The following AXL variants were observed in gnomAD, a reference collection of about 807,000 sequenced individuals.
AXL encodes tyrosine-protein kinase receptor UFO.
In AXL, 52 loss-of-function variants were observed where a neutral mutation model predicts 104.5. That is an observed-to-expected ratio of 0.50 (90% CI 0.40 to 0.63). AXL has a LOEUF of 0.63. Ranked by LOEUF, AXL falls within the 20% of genes least tolerant of loss-of-function variation. The probability of loss-of-function intolerance (pLI) is 0.00; values close to 1 mark genes in which losing one functional copy is unlikely to be tolerated. For missense variants in AXL, 1,024 were observed against 1,188.5 expected (o/e 0.86, Z 2.04); for synonymous variants, 455 against 473.7 (o/e 0.96, Z 0.51).
At chr19:41,255,278 G>A (rs1449854285) in intron 17 of AXL, among the ~76,000 whole-genome samples, 1 of 152,040 alleles carries the variant, frequency 6.6e-6, no homozygotes, top group Non-Finnish European at 1.5e-5. Flanking sequence ...TGAATGTCCT[G>A]TGGATTTTCT....
rs201416484 is a variant in AXL, at chr19:41,248,756, T to C, written c.1647T>C (p.Ala549=). 3.8e-4 allele frequency: 615 copies of C among 1,614,040 alleles called. No homozygotes were observed. Among genetic ancestry groups the C allele is most frequent in the East Asian group, 2.0e-4 (9 of 44,868 alleles). ...GKTLGEGEFG[A]VMEGQLNQDD... ...GGCCCCCCACAGGAGAGTTTGGAGC[T>C]GTGATGGAAGGCCAGCTCAACCAGG... Residue 549 remains alanine, a synonymous_variant, in exon 14 of 20, where the codon GCT becomes GCC. Transcript: ENST00000301178.
chr19:41,259,454 C>A, intron 19 of AXL, 99 bp from the exon 20 acceptor site: 5 of 1,018,688 alleles, frequency 4.9e-6, no homozygotes, highest in Non-Finnish European at 7.1e-6. Flanking sequence ...CTCTAAAATG[C>A]CCCCAGTCCC....
chr19:41,239,803 A>G (rs1353284034), intron 10 of AXL, 83 bp downstream of exon 10: 1 of 1,541,070 alleles, frequency 6.5e-7, no homozygotes, highest in Non-Finnish European at 9.0e-7. Flanking sequence ...CTCATTGCAC[A>G]TCCCTTTCAT....
intron 12 of AXL, among the ~76,000 whole-genome samples, chr19:41,246,712 T>C (rs2034277275): frequency 1.3e-5 from 2 of 152,154 alleles, no homozygotes; most frequent in East Asian, 3.9e-4. Context: ...GAGACTCGGT[T>C]TCAAAAAAAA....
chr19:41,242,660 A>G (rs2034203748), intron 10 of AXL, among the ~76,000 whole-genome samples: 1 of 152,006 alleles, frequency 6.6e-6, no homozygotes, highest in Non-Finnish European at 1.5e-5. Flanking sequence ...CCCATCCTAC[A>G]ACTTTCACAC....
At chr19:41,221,001 C>A in intron 2 of AXL, 143 bp downstream of exon 2, 2 of 1,199,922 alleles carry the variant, frequency 1.7e-6, no homozygotes, top group Non-Finnish European at 2.3e-6. Flanking sequence ...TCGTTTTCCT[C>A]TTCTGCAAAA....
At chr19:41,248,870 T>G in intron 14 of AXL, 50 bp downstream of exon 14, 2 of 1,528,006 alleles carry the variant, frequency 1.3e-6, no homozygotes, top group Non-Finnish European at 1.8e-6. Context: ...CCTATGCCCC[T>G]GAGACAGAAG....
intron 12 of AXL, among the ~76,000 whole-genome samples, chr19:41,246,953 G>A (rs1429356698): frequency 1.3e-5 from 2 of 152,078 alleles, no homozygotes; most frequent in Non-Finnish European, 2.9e-5. Flanking sequence ...GTGTCCTGAT[G>A]TCAATTTGTT....
At chr19:41,228,971 CAG>C (rs1335901134) in intron 4 of AXL, among the ~76,000 whole-genome samples, 1 of 147,542 alleles carries the variant, frequency 6.8e-6, no homozygotes, top group Non-Finnish European at 1.5e-5. Context: ...TTTTTTGAGA[CAG>C]AGTTTCACTC....
chr19:41,219,619 G>C lies in AXL; in HGVS notation c.85+142G>C, dbSNP rs191914061. The C allele has an allele frequency of 3.2e-5, 30 of 936,500 alleles. No homozygotes were observed. The African/African-American group carries it at 3.3e-4, about 10-fold the overall frequency. The allele number at this position is 936,500 out of a possible 1,614,324, so 58.0% of individuals were successfully genotyped here. A position where few individuals can be genotyped will look rare whatever the true frequency, so the allele number is the denominator to read the frequency against. On this transcript the variant is annotated intron_variant, in intron 1 of 19. Coordinates refer to ENST00000301178, the MANE Select transcript of AXL (RefSeq NM_021913.5). The stretch of plus-strand genomic sequence containing the variant: ...GGACCACAGAAAAGGGACTTCAAGG[G>C]AGGGAGACACAGACTCAGAGACACC...
Position 41,259,986 on chromosome 19 carries a change from A to C in AXL, c.*82A>C. ...GAAAACTCCACCTTCCCACTTTCCC[A>C]CCCCACGCCTTATCCCCACTTGCAG... On this transcript the variant is annotated 3_prime_UTR_variant, in exon 20 of 20. Coordinates refer to ENST00000301178, the MANE Select transcript of AXL (RefSeq NM_021913.5). 7.8e-7 allele frequency: 1 copy of C among 1,282,106 alleles called. No individual in the cohort carries two copies. Among genetic ancestry groups the C allele is most frequent in the Non-Finnish European group, 1.1e-6 (1 of 946,332 alleles). 79.4% of individuals were successfully genotyped at this position (1,282,106 alleles called of 1,614,324 possible).
intron 16 of AXL, among the ~76,000 whole-genome samples, chr19:41,253,234 G>T (rs75239046): frequency 6.6e-6 from 1 of 152,178 alleles, no homozygotes; most frequent in Non-Finnish European, 1.5e-5. Flanking sequence ...AGATCTTGCC[G>T]AGGAGGTGAC....
intron 12 of AXL, among the ~76,000 whole-genome samples, chr19:41,247,934 T>C (rs926192751): frequency 7.0e-6 from 1 of 143,548 alleles, no homozygotes; most frequent in Non-Finnish European, 1.5e-5. Flanking sequence ...TATTTTATTT[T>C]ATTTTTGAGA....
chr19:41,253,006 T>C (rs753250221), intron 16 of AXL, 39 bp downstream of exon 16: 4 of 1,608,116 alleles, frequency 2.5e-6, no homozygotes, highest in Admixed American at 3.3e-5. Flanking sequence ...AAATATTAAC[T>C]GAGCATCTAT....
At position 41,259,859 on chromosome 19, in the gene AXL, T is replaced by A. The variant is rs761140155; in HGVS notation, c.2640T>A (p.Ala880=). The change falls in exon 20 of 20, where the codon GCT becomes GCA. Residue 880 remains alanine (A), a synonymous_variant. Transcript: ENST00000301178. ...CAACCCCTAGCCCCGCTCAGCCTGC[T>A]GATAGGGGCTCCCCAGCAGCCCCAG... is the stretch of plus-strand genomic sequence containing the variant. ...PSTTPSPAQP[A]DRGSPAAPGQ... The A allele has an allele frequency of 6.2e-7, 1 of 1,605,852 alleles. No homozygotes were observed. The highest frequency in any genetic ancestry group is 1.7e-5 in the Admixed American group (1 of 59,298).
chr19:41,243,763 C>T, intron 12 of AXL, 56 bp downstream of exon 12: 2 of 1,495,312 alleles, frequency 1.3e-6, no homozygotes, highest in Non-Finnish European at 1.9e-6. Context: ...TGTAGAGAAT[C>T]TGGCCTGCTG....
chr19:41,248,888 G>A, intron 14 of AXL, 68 bp downstream of exon 14: 3 of 1,476,976 alleles, frequency 2.0e-6, no homozygotes, highest in Non-Finnish European at 2.7e-6. Context: ...AAGAGAGCAA[G>A]CAAGTTAGCC....
chr19:41,248,398 A>C, intron 12 of AXL, 116 bp from the exon 13 acceptor site: 1 of 1,039,686 alleles, frequency 9.6e-7, no homozygotes, highest in Middle Eastern at 3.0e-4. Flanking sequence ...GCTAATTTTA[A>C]ATCAGTGCAG....
At position 41,238,522 on chromosome 19, in the gene AXL, C is replaced by G; in HGVS notation, c.1047C>G (p.Ala349=). The G allele has an allele frequency of 6.2e-7, 1 of 1,614,054 alleles. No individual in the cohort carries two copies. Among genetic ancestry groups the G allele is most frequent in the Admixed American group, 1.7e-5 (1 of 60,004 alleles). ...NISATRNGSQ[A]FVHWQEPRAP... ...GTGCTACGCGGAATGGGAGCCAGGC[C>G]TTCGTGCATTGGCAAGAGCCCCGGG... The change falls in exon 8 of 20, where the codon GCC becomes GCG. Residue 349 remains alanine (A), a synonymous_variant. Transcript: ENST00000301178.
Sources: gnomAD v4.1 joint callset for allele counts (sites outside exome capture counted in the v4.1 genomes callset) on GRCh38, gnomAD v4.1.1 for gene constraint, MANE v1.5 for transcripts, NCBI Gene and HGNC (gene_info 2026-07-23, HGNC 2026-07-21) for gene names.